The following PABPC4L variants were observed in gnomAD, a reference collection of about 807,000 sequenced individuals.
PABPC4L encodes the protein polyadenylate-binding protein 4-like.
For synonymous variants in PABPC4L, 169 were observed against 164.1 expected (o/e 1.03, Z -0.23); for missense variants, 452 against 451.4 (o/e 1.00, Z -0.01).
the PABPC4L span, among the ~76,000 whole-genome samples, chr4:134,101,629 T>C: frequency 2.0e-5 from 3 of 151,510 alleles, no homozygotes; most frequent in Non-Finnish European, 3.0e-5. Context: ...CATTTTTCTT[T>C]TTATACAGCT....
the PABPC4L span, among the ~76,000 whole-genome samples, chr4:134,147,251 A>T: frequency 6.6e-6 from 1 of 152,074 alleles, no homozygotes; most frequent in Non-Finnish European, 1.5e-5. Context: ...TTTGAACTCA[A>T]TTGTTTGTCA....
chr4:134,158,946 T>C, the PABPC4L span, among the ~76,000 whole-genome samples: 1 of 152,196 alleles, frequency 6.6e-6, no homozygotes, highest in South Asian at 2.1e-4. Flanking sequence ...ATTGAATACT[T>C]GTAGGTAATT....
At chr4:134,148,250 G>A in the PABPC4L span, among the ~76,000 whole-genome samples, 1 of 152,064 alleles carries the variant, frequency 6.6e-6, no homozygotes, top group Non-Finnish European at 1.5e-5. Flanking sequence ...ACATTGCTCA[G>A]AACCCCCTCA....
At chr4:134,053,522 G>T in the PABPC4L span, among the ~76,000 whole-genome samples, 2 of 151,984 alleles carry the variant, frequency 1.3e-5, no homozygotes, top group African/African-American at 4.8e-5. Context: ...AGAAAATTCA[G>T]CCTACCACCT....
At chr4:134,067,032 G>A in the PABPC4L span, among the ~76,000 whole-genome samples, 1 of 151,938 alleles carries the variant, frequency 6.6e-6, no homozygotes, top group African/African-American at 2.4e-5. Flanking sequence ...TTTGGTATCA[G>A]GACAATGCTG....
rs2421217 is a variant in PABPC4L at position 134,199,509 on chromosome 4, T to G, written c.*398A>C. 0.47 allele frequency: 72,460 copies of G among 153,712 alleles called. 20,217 individuals carry two copies. Among genetic ancestry groups the G allele is most frequent in the East Asian group, 0.98 (5,104 of 5,214 alleles). The allele number at this position is 153,712 out of a possible 1,614,324, so 9.5% of individuals were successfully genotyped here. A position where few individuals can be genotyped will look rare whatever the true frequency, so the allele number is the denominator to read the frequency against. ...GGTAAAAATACTTTGGAATCTTTAG[T>G]TGTAAGAACTATTTTGAGCATATTT... On this transcript the variant is annotated 3_prime_UTR_variant, in exon 2 of 2. Coordinates refer to ENST00000421491, the MANE Select transcript of PABPC4L (RefSeq NM_001114734.2).
At chr4:133,967,638 T>C in the PABPC4L span, among the ~76,000 whole-genome samples, 1 of 152,202 alleles carries the variant, frequency 6.6e-6, no homozygotes, top group Non-Finnish European at 1.5e-5. Context: ...AAATGTTTAG[T>C]TGATATGCCA....
chr4:134,107,823 T>G, the PABPC4L span, among the ~76,000 whole-genome samples: 2 of 151,650 alleles, frequency 1.3e-5, no homozygotes, highest in Non-Finnish European at 3.0e-5. Flanking sequence ...CAGCTTGTTT[T>G]AAATATTCTT....
At chr4:134,090,851 AG>A in the PABPC4L span, among the ~76,000 whole-genome samples, 1 of 151,932 alleles carries the variant, frequency 6.6e-6, no homozygotes, top group Non-Finnish European at 1.5e-5. Flanking sequence ...TTTATCATAT[AG>A]CGTATTTACT....
At chr4:134,083,401 C>CAA in the PABPC4L span, among the ~76,000 whole-genome samples, 18 of 144,804 alleles carry the variant, frequency 1.2e-4, 1 homozygote, top group Middle Eastern at 3.5e-3. Flanking sequence ...AGCAACTTGC[C>CAA]AAAAAAAAAA....
At chr4:134,174,357 C>A in the PABPC4L span, among the ~76,000 whole-genome samples, 1 of 151,814 alleles carries the variant, frequency 6.6e-6, no homozygotes, top group Non-Finnish European at 1.5e-5. Context: ...GTTCATAAAC[C>A]AGTAACATAT....
the PABPC4L span, among the ~76,000 whole-genome samples, chr4:134,126,415 A>C: frequency 6.6e-6 from 1 of 152,106 alleles, no homozygotes; most frequent in Non-Finnish European, 1.5e-5. Context: ...AATATGACTT[A>C]TCAGAGTCTC....
chr4:134,156,469 A>C, the PABPC4L span, among the ~76,000 whole-genome samples: 1 of 152,010 alleles, frequency 6.6e-6, no homozygotes, highest in Non-Finnish European at 1.5e-5. Context: ...GCTTTAAATT[A>C]ATATTGATGA....
At chr4:134,169,694 G>T in the PABPC4L span, among the ~76,000 whole-genome samples, 1 of 151,678 alleles carries the variant, frequency 6.6e-6, no homozygotes, top group Non-Finnish European at 1.5e-5. Flanking sequence ...AATAGCAAAA[G>T]ATAAAATAAA....
chr4:134,013,980 G>T, the PABPC4L span, among the ~76,000 whole-genome samples: 2 of 152,008 alleles, frequency 1.3e-5, no homozygotes, highest in Non-Finnish European at 2.9e-5. Context: ...CTCTTAAAAA[G>T]GTGGCTGGAG....
At chr4:133,989,790 G>A in the PABPC4L span, among the ~76,000 whole-genome samples, 105 of 152,170 alleles carry the variant, frequency 6.9e-4, 3 homozygotes, top group East Asian at 0.02. Flanking sequence ...AGGCTACTGT[G>A]AAGAAATACC....
At chr4:134,046,845 A>T in the PABPC4L span, among the ~76,000 whole-genome samples, 2 of 152,226 alleles carry the variant, frequency 1.3e-5, no homozygotes, top group Admixed American at 6.5e-5. Context: ...TTCTGTGAGC[A>T]CAGGGTTGGG....
chr4:133,988,752 T>G, the PABPC4L span, among the ~76,000 whole-genome samples: 1 of 152,168 alleles, frequency 6.6e-6, no homozygotes, highest in Non-Finnish European at 1.5e-5. Context: ...AGTGTGCCAG[T>G]TGGGACCCTG....
the PABPC4L span, among the ~76,000 whole-genome samples, chr4:134,007,735 T>A: frequency 4.6e-5 from 7 of 151,718 alleles, no homozygotes; most frequent in Admixed American, 2.6e-4. Context: ...ATAGCATTTT[T>A]AAAAATATCT....
Sources: allele counts gnomAD v4.1 joint callset (sites outside exome capture counted in the v4.1 genomes callset), GRCh38; gene constraint gnomAD v4.1.1; transcripts MANE v1.5; gene names NCBI Gene and HGNC (gene_info 2026-07-23, HGNC 2026-07-21).